PDE1A: variants seen among roughly 807,000 people sequenced by gnomAD.
PDE1A encodes dual specificity calcium/calmodulin-dependent 3',5'-cyclic nucleotide phosphodiesterase 1A.
A neutral mutation model predicts 61.7 loss-of-function variants in PDE1A; 35 were observed. The observed-to-expected ratio is 0.57, with a 90% confidence interval of 0.43 to 0.75. The LOEUF is 0.75. PDE1A is among the 30% of genes least tolerant of loss of function. PDE1A has a pLI of 0.00. For synonymous variants in PDE1A, 232 were observed against 213.2 expected (o/e 1.09, Z -0.77); for missense variants, 597 against 630.6 (o/e 0.95, Z 0.57).
At chr2:182,558,740 T>C in the PDE1A span, among the ~76,000 whole-genome samples, 1 of 152,236 alleles carries the variant, frequency 6.6e-6, no homozygotes, top group South Asian at 2.1e-4. Flanking sequence ...AAATGTGCTT[T>C]CCATTTCTCA....
chr2:182,291,171 C>A (rs1694507300), intron 1 of PDE1A, among the ~76,000 whole-genome samples: 1 of 152,076 alleles, frequency 6.6e-6, no homozygotes, highest in Non-Finnish European at 1.5e-5. Context: ...CTAGACCCTC[C>A]AAACCTCTCG....
the PDE1A span, among the ~76,000 whole-genome samples, chr2:182,557,089 G>C: frequency 6.6e-6 from 1 of 152,074 alleles, no homozygotes; most frequent in African/African-American, 2.4e-5. Context: ...GAGGTCAGGA[G>C]TTCAAGACCA....
At chr2:182,325,635 C>T (rs993872514) in intron 1 of PDE1A, among the ~76,000 whole-genome samples, 30 of 152,068 alleles carry the variant, frequency 2.0e-4, no homozygotes, top group African/African-American at 6.8e-4. Flanking sequence ...AATAAAAACC[C>T]AGCTGGGCGT....
the PDE1A span, among the ~76,000 whole-genome samples, chr2:182,670,421 C>CA: frequency 2.6e-5 from 4 of 152,132 alleles, no homozygotes; most frequent in Non-Finnish European, 4.4e-5. Flanking sequence ...ACCCAGCTAT[C>CA]AATAGCTTTT....
At chr2:182,650,085 T>G in the PDE1A span, among the ~76,000 whole-genome samples, 1 of 151,756 alleles carries the variant, frequency 6.6e-6, no homozygotes, top group African/African-American at 2.4e-5. Context: ...AGACTCTCTC[T>G]CCAAAAAAGA....
intron 13 of PDE1A, among the ~76,000 whole-genome samples, chr2:182,170,208 C>T (rs1296654503): frequency 2.6e-5 from 4 of 151,930 alleles, no homozygotes; most frequent in African/African-American, 4.8e-5. Context: ...AGTTTTGTGA[C>T]GTTAGACAAA....
At chr2:182,636,052 T>C in the PDE1A span, among the ~76,000 whole-genome samples, 2 of 147,080 alleles carry the variant, frequency 1.4e-5, no homozygotes, top group African/African-American at 2.6e-5. Context: ...ACCTCCCGGG[T>C]TCACGCCATT....
chr2:182,528,307 A>G, the PDE1A span, among the ~76,000 whole-genome samples: 1 of 152,306 alleles, frequency 6.6e-6, no homozygotes, highest in South Asian at 2.1e-4. Context: ...GACTCTTGCT[A>G]TGTTTTAGCA....
chr2:182,495,101 T>A (rs147250874), intron 2 of PDE1A, among the ~76,000 whole-genome samples: 414 of 152,242 alleles, frequency 2.7e-3, no homozygotes, highest in African/African-American at 9.5e-3. Flanking sequence ...CAGGCTGACT[T>A]CTTTCTAAGG....
chr2:182,386,894 C>T (rs1007240959), intron 1 of PDE1A, among the ~76,000 whole-genome samples: 6 of 152,186 alleles, frequency 3.9e-5, no homozygotes, highest in South Asian at 2.1e-4. Context: ...CCCCTCTGCC[C>T]GGCCACCACC....
chr2:182,603,912 C>G, the PDE1A span, among the ~76,000 whole-genome samples: 1 of 152,080 alleles, frequency 6.6e-6, no homozygotes, highest in East Asian at 1.9e-4. Context: ...TTAGATTCCT[C>G]TTTCACTCTG....
intron 1 of PDE1A, among the ~76,000 whole-genome samples, chr2:182,292,359 T>G (rs1159436508): frequency 1.3e-5 from 2 of 152,012 alleles, no homozygotes; most frequent in Non-Finnish European, 2.9e-5. Context: ...TTTATGACAT[T>G]TATAAACAAA....
At chr2:182,331,405 T>C (rs1302298277) in intron 1 of PDE1A, among the ~76,000 whole-genome samples, 1 of 152,212 alleles carries the variant, frequency 6.6e-6, no homozygotes, top group Non-Finnish European at 1.5e-5. Context: ...GCTAGCTAGT[T>C]ATTTTGCCTA....
chr2:182,625,579 A>T, the PDE1A span, among the ~76,000 whole-genome samples: 3 of 152,178 alleles, frequency 2.0e-5, no homozygotes, highest in Admixed American at 6.5e-5. Context: ...TAGGAAAATA[A>T]CTCTTGGCTG....
chr2:182,435,864 A>G (rs1684367762), intron 2 of PDE1A, among the ~76,000 whole-genome samples: 1 of 152,056 alleles, frequency 6.6e-6, no homozygotes, highest in Admixed American at 6.6e-5. Context: ...GCTTTCAGTA[A>G]TGCTTATGAA....
intron 2 of PDE1A, among the ~76,000 whole-genome samples, chr2:182,476,770 A>G (rs1687390081): frequency 6.6e-6 from 1 of 151,894 alleles, no homozygotes; most frequent in South Asian, 2.1e-4. Context: ...TACCCTGAAA[A>G]TGAAGATACA....
At chr2:182,337,406 G>A (rs1181526477) in intron 1 of PDE1A, among the ~76,000 whole-genome samples, 1 of 152,144 alleles carries the variant, frequency 6.6e-6, no homozygotes, top group Non-Finnish European at 1.5e-5. Flanking sequence ...CATCTAAATG[G>A]TAGAGTGTGT....
intron 1 of PDE1A, among the ~76,000 whole-genome samples, chr2:182,327,651 C>G (rs7591416): frequency 0.033 from 5,059 of 152,190 alleles, 284 homozygotes; most frequent in African/African-American, 0.12. Context: ...GAGCTATGAC[C>G]ACTGGGTTTA....
At chr2:182,377,803 T>C (rs898413440) in intron 1 of PDE1A, among the ~76,000 whole-genome samples, 1 of 152,066 alleles carries the variant, frequency 6.6e-6, no homozygotes, top group Non-Finnish European at 1.5e-5. Flanking sequence ...AAATGGAAAT[T>C]TGATGAAGAA....
Sources: allele counts gnomAD v4.1 joint callset (sites outside exome capture counted in the v4.1 genomes callset), GRCh38; gene constraint gnomAD v4.1.1; transcripts MANE v1.5; gene names NCBI Gene and HGNC (gene_info 2026-07-23, HGNC 2026-07-21).